KCNH5: variants seen among roughly 807,000 people sequenced by gnomAD.
The protein encoded by KCNH5 is voltage-gated delayed rectifier potassium channel KCNH5.
KCNH5 carries 46 observed loss-of-function variants against 96.1 expected under a neutral mutation model. The ratio of observed to expected loss-of-function variants is 0.48; its 90% CI spans 0.38 to 0.61. KCNH5 has a LOEUF of 0.61. KCNH5 is among the 20% of genes least tolerant of loss of function. KCNH5 has a pLI of 0.00. For missense variants in KCNH5, 907 were observed against 1,225.8 expected (o/e 0.74, Z 3.88); for synonymous variants, 439 against 449.8 (o/e 0.98, Z 0.30).
At chr14:62,840,129 A>G (rs1887546461) in intron 8 of KCNH5, among the ~76,000 whole-genome samples, 1 of 152,176 alleles carries the variant, frequency 6.6e-6, no homozygotes, top group Non-Finnish European at 1.5e-5. Context: ...CTCTAATACC[A>G]TAGTTTCCTT....
At chr14:62,773,413 G>A (rs1886031469) in intron 10 of KCNH5, among the ~76,000 whole-genome samples, 2 of 152,122 alleles carry the variant, frequency 1.3e-5, no homozygotes, top group Admixed American at 6.5e-5. Flanking sequence ...TATGCCGCCT[G>A]TGTACTGAGA....
At position 62,705,601 on chromosome 14, in the gene KCNH5, A is replaced by G. The variant is rs1267936994; in HGVS notation, c.*1907T>C. On this transcript the variant is annotated 3_prime_UTR_variant, in exon 11 of 11. Coordinates refer to ENST00000322893, the MANE Select transcript of KCNH5 (RefSeq NM_139318.5). ...TGGTTAATGGAAGTTATACGCATAA[A>G]GAAAGGAAAATGGAGCCCATGGCTC... 6.6e-6 allele frequency: 1 copy of G among 152,040 alleles called. No individual in the cohort carries two copies. Among genetic ancestry groups the G allele is most frequent in the African/African-American group, 2.4e-5 (1 of 41,444 alleles). 9.4% of individuals were successfully genotyped at this position (152,040 alleles called of 1,614,324 possible). A position where few individuals can be genotyped will look rare whatever the true frequency, so the allele number is the denominator to read the frequency against.
At position 62,721,298 on chromosome 14, in the gene KCNH5, A is replaced by G. The variant is rs141907228; in HGVS notation, c.2020-12843T>C. On this transcript the variant is annotated intron_variant, in intron 10 of 10. Coordinates refer to ENST00000322893, the MANE Select transcript of KCNH5 (RefSeq NM_139318.5). ...AGTTTGCTTTTGGGCTAATAGAAAAAAGATTTTTAAAGATCAAACTTGTGG... is the reference window on the plus strand; with the variant it reads ...AGTTTGCTTTTGGGCTAATAGAAAAGAGATTTTTAAAGATCAAACTTGTGG... Among the ~76,000 whole-genome samples the G allele has an allele frequency of 6.6e-5, 10 of 152,270 alleles. No individual in the cohort carries two copies. In the East Asian group the frequency reaches 1.9e-3, roughly 29 times the overall value.
intron 4 of KCNH5, among the ~76,000 whole-genome samples, chr14:63,000,826 C>G (rs1440833913): frequency 6.6e-6 from 1 of 152,188 alleles, no homozygotes; most frequent in African/African-American, 2.4e-5. Context: ...GTAATCCCAG[C>G]ACTTTGGGAG....
chr14:62,921,049 T>C (rs1889372082), intron 7 of KCNH5, among the ~76,000 whole-genome samples: 1 of 152,182 alleles, frequency 6.6e-6, no homozygotes, highest in Non-Finnish European at 1.5e-5. Flanking sequence ...TGGCTCTCTC[T>C]CTTTAGCTAT....
At chr14:62,768,538 G>C (rs1041909085) in intron 10 of KCNH5, among the ~76,000 whole-genome samples, 1 of 152,124 alleles carries the variant, frequency 6.6e-6, no homozygotes, top group Non-Finnish European at 1.5e-5. Flanking sequence ...TTATGGTGAG[G>C]CAGGACTCAG....
intron 8 of KCNH5, among the ~76,000 whole-genome samples, chr14:62,821,869 C>T (rs768060426): frequency 3.3e-5 from 5 of 151,992 alleles, no homozygotes; most frequent in Admixed American, 6.6e-5. Flanking sequence ...CATGGCAGAT[C>T]GAAGACAGCA....
At chr14:62,975,670 G>GA (rs1337429647) in intron 6 of KCNH5, among the ~76,000 whole-genome samples, 1 of 151,872 alleles carries the variant, frequency 6.6e-6, no homozygotes, top group African/African-American at 2.4e-5. Context: ...TCGATTAACA[G>GA]AAAAAATTCC....
chr14:62,771,028 C>G (rs774405314), intron 10 of KCNH5, among the ~76,000 whole-genome samples: 1 of 152,080 alleles, frequency 6.6e-6, no homozygotes, highest in Non-Finnish European at 1.5e-5. Context: ...TAACAAGAGA[C>G]TCGAGAGCTC....
At chr14:62,832,032 G>T (rs368484427) in intron 8 of KCNH5, among the ~76,000 whole-genome samples, 1 of 152,050 alleles carries the variant, frequency 6.6e-6, no homozygotes, top group African/African-American at 2.4e-5. Flanking sequence ...AACTTCAATA[G>T]TTACATTTAT....
chr14:62,934,367 C>T (rs560749482), intron 7 of KCNH5, among the ~76,000 whole-genome samples: 5 of 152,276 alleles, frequency 3.3e-5, no homozygotes, highest in African/African-American at 4.8e-5. Context: ...GCAGTCCTGA[C>T]CTTGTGTTGC....
intron 7 of KCNH5, among the ~76,000 whole-genome samples, chr14:62,912,910 T>A (rs943907495): frequency 6.6e-6 from 1 of 152,226 alleles, no homozygotes; most frequent in Non-Finnish European, 1.5e-5. Flanking sequence ...GGTATGTCTG[T>A]CTACTTAAGG....
chr14:63,010,167 T>G (rs1891199055), intron 2 of KCNH5, among the ~76,000 whole-genome samples: 1 of 152,176 alleles, frequency 6.6e-6, no homozygotes, highest in Non-Finnish European at 1.5e-5. Context: ...AACAGAGGAC[T>G]TTTGCATTTG....
At chr14:62,963,119 T>G (rs766032527) in intron 6 of KCNH5, among the ~76,000 whole-genome samples, 3 of 152,168 alleles carry the variant, frequency 2.0e-5, no homozygotes, top group African/African-American at 7.2e-5. Flanking sequence ...AGGGTGAGTA[T>G]AGTAACAATG....
intron 7 of KCNH5, among the ~76,000 whole-genome samples, chr14:62,869,040 T>C (rs1470226230): frequency 6.6e-6 from 1 of 152,342 alleles, no homozygotes; most frequent in Non-Finnish European, 1.5e-5. Flanking sequence ...ATAATCCTTT[T>C]GGTATGTACC....
At chr14:63,037,070 C>T (rs1005404529) in intron 1 of KCNH5, among the ~76,000 whole-genome samples, 7 of 152,078 alleles carry the variant, frequency 4.6e-5, no homozygotes, top group African/African-American at 7.2e-5. Flanking sequence ...ATTTAAACAA[C>T]TAAATGATAA....
chr14:63,044,483 A>G (rs911623525), intron 1 of KCNH5, among the ~76,000 whole-genome samples: 1 of 152,236 alleles, frequency 6.6e-6, no homozygotes, highest in African/African-American at 2.4e-5. Context: ...CAAACGAAAT[A>G]TATAGATGAA....
chr14:62,970,073 T>TAAAAAAAAAAAAAAAAAA, intron 6 of KCNH5, among the ~76,000 whole-genome samples: 40 of 112,128 alleles, frequency 3.6e-4, no homozygotes, highest in Non-Finnish European at 4.4e-4. Flanking sequence ...AAAAAAAAAT[T>TAAAAAAAAAAAAAAAAAA]AAATCAATAA....
intron 7 of KCNH5, among the ~76,000 whole-genome samples, chr14:62,943,009 G>T (rs946502472): frequency 3.9e-5 from 6 of 152,034 alleles, no homozygotes; most frequent in Non-Finnish European, 7.4e-5. Context: ...CAATCTCATA[G>T]CCCTTTGACA....
Sources: allele counts gnomAD v4.1 joint callset (sites outside exome capture counted in the v4.1 genomes callset), GRCh38; gene constraint gnomAD v4.1.1; transcripts MANE v1.5; gene names NCBI Gene and HGNC (gene_info 2026-07-23, HGNC 2026-07-21).